Variants in SRD5A2 observed in about 807,000 individuals in gnomAD.
SRD5A2 encodes the protein 3-oxo-5-alpha-steroid 4-dehydrogenase 2.
Under a neutral mutation model 27.4 loss-of-function variants are expected in SRD5A2, and 30 were observed. The observed-to-expected ratio is 1.10, with a 90% confidence interval of 0.82 to 1.49. SRD5A2 has a LOEUF of 1.49. Ranked by LOEUF, SRD5A2 falls within the 40% of genes most tolerant of loss-of-function variation. The pLI, the probability that SRD5A2 is intolerant of heterozygous loss-of-function variation, is 0.00. For synonymous variants in SRD5A2, 141 were observed against 133.6 expected (o/e 1.06, Z -0.38); for missense variants, 348 against 323.4 (o/e 1.08, Z -0.58).
upstream of SRD5A2, among the ~76,000 whole-genome samples, chr2:31,583,456 G>T (rs937734570): frequency 1.3e-5 from 2 of 151,954 alleles, no homozygotes; most frequent in Admixed American, 1.3e-4. Flanking sequence ...AATGCAACTG[G>T]TCTGTATTAC....
In SRD5A2 at chr2:31,525,877, G is replaced by A. The variant is rs1346222522; in HGVS notation, c.*319C>T. On this transcript the variant is annotated 3_prime_UTR_variant, in exon 5 of 5. Coordinates refer to ENST00000622030, the MANE Select transcript of SRD5A2 (RefSeq NM_000348.4). ...TGCATTGACAGGGAGTGGGTATGAA[G>A]CCACATGTACTTGGATTGCCCGGTG... The A allele has an allele frequency of 3.3e-6, 1 of 298,862 alleles. No individual in the cohort carries two copies. Among genetic ancestry groups the A allele is most frequent in the Admixed American group, 4.5e-5 (1 of 22,130 alleles). 18.5% of individuals were successfully genotyped at this position (298,862 alleles called of 1,614,324 possible). A position where few individuals can be genotyped will look rare whatever the true frequency, so the allele number is the denominator to read the frequency against.
At chr2:31,552,757 G>T (rs1219047044) in intron 1 of SRD5A2, among the ~76,000 whole-genome samples, 2 of 152,166 alleles carry the variant, frequency 1.3e-5, no homozygotes, top group Non-Finnish European at 2.9e-5. Flanking sequence ...CAAATCTCTA[G>T]CTGGGCTAAT....
intron 1 of SRD5A2, among the ~76,000 whole-genome samples, chr2:31,557,793 T>C (rs1558367956): frequency 2.0e-5 from 3 of 152,174 alleles, no homozygotes; most frequent in Non-Finnish European, 4.4e-5. Context: ...TTATTGCTTC[T>C]AAAATAGGAC....
chr2:31,648,098 C>CA, the SRD5A2 span, among the ~76,000 whole-genome samples: 1 of 152,082 alleles, frequency 6.6e-6, no homozygotes, highest in Admixed American at 6.6e-5. Context: ...CCCCTCAGCA[C>CA]AATATAAGGG....
At chr2:31,584,131 G>A (rs1035022952), upstream of SRD5A2, among the ~76,000 whole-genome samples, 5 of 152,158 alleles carry the variant, frequency 3.3e-5, no homozygotes, top group South Asian at 2.1e-4. Context: ...GAACGTATGA[G>A]CCCTGAATTA....
chr2:31,580,020 G>C (rs1667037354), intron 1 of SRD5A2, among the ~76,000 whole-genome samples: 1 of 152,122 alleles, frequency 6.6e-6, no homozygotes. Flanking sequence ...TGAGTCAGTG[G>C]GATCTCACTA....
At chr2:31,610,410 T>A in the SRD5A2 span, among the ~76,000 whole-genome samples, 18 of 152,070 alleles carry the variant, frequency 1.2e-4, no homozygotes, top group Non-Finnish European at 2.4e-4. Flanking sequence ...ATCAACAAAG[T>A]AGAAAAAGAA....
At chr2:31,534,549 T>C (rs1019700544) in intron 1 of SRD5A2, among the ~76,000 whole-genome samples, 12 of 152,340 alleles carry the variant, frequency 7.9e-5, no homozygotes, top group African/African-American at 2.9e-4. Flanking sequence ...AACTGATATT[T>C]GATTCTGTAA....
At chr2:31,630,701 A>C in the SRD5A2 span, among the ~76,000 whole-genome samples, 2 of 152,236 alleles carry the variant, frequency 1.3e-5, no homozygotes, top group African/African-American at 4.8e-5. Flanking sequence ...ATTCTAAGTC[A>C]AAAAAGAAAA....
At chr2:31,657,161 T>C in the SRD5A2 span, among the ~76,000 whole-genome samples, 1 of 152,208 alleles carries the variant, frequency 6.6e-6, no homozygotes, top group Non-Finnish European at 1.5e-5. Context: ...ATGTGTGTTT[T>C]AGTTAATAAC....
chr2:31,593,167 G>A, the SRD5A2 span, among the ~76,000 whole-genome samples: 2 of 151,868 alleles, frequency 1.3e-5, no homozygotes, highest in Non-Finnish European at 2.9e-5. Context: ...GCTAAATGAC[G>A]AGTTAATGGG....
the SRD5A2 span, among the ~76,000 whole-genome samples, chr2:31,604,817 A>G: frequency 6.6e-6 from 1 of 151,984 alleles, no homozygotes; most frequent in Admixed American, 6.6e-5. Context: ...TAAAGTGTAT[A>G]TGGATTCACA....
chr2:31,645,469 C>T, the SRD5A2 span, among the ~76,000 whole-genome samples: 2,822 of 152,144 alleles, frequency 0.019, 36 homozygotes, highest in Non-Finnish European at 0.025. Flanking sequence ...ATTTTAAAAA[C>T]GAAATGGTCA....
chr2:31,593,874 G>A, the SRD5A2 span, among the ~76,000 whole-genome samples: 1 of 152,318 alleles, frequency 6.6e-6, no homozygotes, highest in African/African-American at 2.4e-5. Context: ...AGCCAGAAGG[G>A]ATTGGGGTCC....
the SRD5A2 span, among the ~76,000 whole-genome samples, chr2:31,657,691 CT>C: frequency 6.6e-6 from 1 of 152,110 alleles, no homozygotes. Flanking sequence ...GTGATAAATT[CT>C]TACTTTACCA....
At chr2:31,590,671 T>C in the SRD5A2 span, among the ~76,000 whole-genome samples, 2 of 152,182 alleles carry the variant, frequency 1.3e-5, no homozygotes, top group African/African-American at 2.4e-5. Context: ...GCTACCTGAC[T>C]TCAAACTATA....
chr2:31,604,389 A>G, the SRD5A2 span, among the ~76,000 whole-genome samples: 3 of 151,870 alleles, frequency 2.0e-5, no homozygotes, highest in Non-Finnish European at 1.5e-5. Flanking sequence ...GAAAAATTAA[A>G]AACAATTTAA....
the SRD5A2 span, among the ~76,000 whole-genome samples, chr2:31,631,648 C>T: frequency 1.3e-5 from 2 of 152,146 alleles, no homozygotes; most frequent in African/African-American, 4.8e-5. Flanking sequence ...AGGGTTAAGA[C>T]AGTCCTTTGA....
chr2:31,526,261 AC>A lies in SRD5A2; in HGVS notation c.699del (p.Arg233SerfsTer46). 6.4e-7 allele frequency: 1 copy of A among 1,570,940 alleles called. No homozygotes were observed. Among genetic ancestry groups the A allele is most frequent in the Non-Finnish European group, 8.7e-7 (1 of 1,152,944 alleles). On this transcript the variant is annotated frameshift_variant and splice_region_variant, in exon 5 of 5. Coordinates refer to ENST00000622030, the MANE Select transcript of SRD5A2 (RefSeq NM_000348.4). LOFTEE classifies it high-confidence loss of function. ...TAGTCCTCAAACATCTTGAGGTAGA[AC>A]CTAAAAGACAAGAAAGGAATAATTG... ...FLGLRAFHHH[R>X]FYLKMFEDYP...
Sources: gnomAD v4.1 joint callset for allele counts (sites outside exome capture counted in the v4.1 genomes callset) on GRCh38, gnomAD v4.1.1 for gene constraint, MANE v1.5 for transcripts, NCBI Gene and HGNC (gene_info 2026-07-23, HGNC 2026-07-21) for gene names.